SLC25A36: variants seen among roughly 807,000 people sequenced by gnomAD.
SLC25A36 encodes the protein epididymis secretory sperm binding protein.
SLC25A36 carries 24 observed loss-of-function variants against 35.3 expected under a neutral mutation model. The ratio of observed to expected loss-of-function variants is 0.68; its 90% CI spans 0.49 to 0.96. SLC25A36 has a LOEUF of 0.96. Among genes scored for constraint, SLC25A36 ranks in the 40% least tolerant of loss-of-function variants. The pLI is 0.00. For missense variants in SLC25A36, 294 were observed against 381.1 expected, an observed-to-expected ratio of 0.77 and a Z score of 1.90; for synonymous variants, 141 against 132.2, an observed-to-expected ratio of 1.07 and a Z score of -0.46.
At chr3:140,952,967 T>G (rs1348643788) in intron 1 of SLC25A36, among the ~76,000 whole-genome samples, 2 of 152,198 alleles carry the variant, frequency 1.3e-5, no homozygotes, top group African/African-American at 4.8e-5. Context: ...TTATGTTCAA[T>G]AAATTTACAA....
intron 1 of SLC25A36, among the ~76,000 whole-genome samples, chr3:140,955,085 G>T (rs1329647600): frequency 6.6e-6 from 1 of 151,742 alleles, no homozygotes; most frequent in East Asian, 1.9e-4. Context: ...TAATAGTTTT[G>T]TTGCATAAGT....
chr3:140,951,066 T>A (rs1303499302), intron 1 of SLC25A36, among the ~76,000 whole-genome samples: 1 of 152,156 alleles, frequency 6.6e-6, no homozygotes, highest in African/African-American at 2.4e-5. Context: ...TTAGGCCTCC[T>A]AGGGATTCTG....
At chr3:140,959,016 TTTC>T (rs1442270130) in intron 2 of SLC25A36, among the ~76,000 whole-genome samples, 3 of 144,942 alleles carry the variant, frequency 2.1e-5, no homozygotes, top group African/African-American at 7.7e-5. Context: ...GTGTTTTCTT[TTTC>T]TTTTTTTTTT....
Position 140,952,136 on chromosome 3 carries a change from C to T in SLC25A36, c.42-4391C>T, listed in dbSNP as rs148594809. Among the ~76,000 whole-genome samples the T allele has an allele frequency of 8.7e-4, 132 of 152,042 alleles. 1 individual carries two copies. Among genetic ancestry groups the T allele is most frequent in the African/African-American group, 3.1e-3 (128 of 41,468 alleles). On this transcript the variant is annotated intron_variant, in intron 1 of 6. Coordinates refer to ENST00000324194, the MANE Select transcript of SLC25A36 (RefSeq NM_001104647.3). ...GGTTGAAGCGATTCTACTGCCTCAG[C>T]CTCCGGAGTAGCTGGGATTACAGGC... is the stretch of plus-strand genomic sequence containing the variant.
intron 4 of SLC25A36, chr3:140,965,286 A>G (rs1934731971): frequency 6.6e-6 from 1 of 151,640 alleles, no homozygotes; most frequent in East Asian, 1.9e-4. Context: ...GGTTTTTTTT[A>G]GGATTATTTT....
chr3:140,971,065 T>C (rs1010082341), intron 5 of SLC25A36, 72 bp downstream of exon 5: 3 of 698,822 alleles, frequency 4.3e-6, no homozygotes, highest in East Asian at 2.6e-5. Flanking sequence ...AGTTTTTCTT[T>C]CCTTTGCTGC....
chr3:140,942,003 G>C lies in SLC25A36; in HGVS notation c.-52G>C. 1 of 1,018,692 alleles carries C rather than the reference G, an allele frequency of 9.8e-7. No homozygotes were observed. The highest frequency in any genetic ancestry group is 1.5e-6 in the Non-Finnish European group (1 of 674,442). 63.1% of individuals were successfully genotyped at this position (1,018,692 alleles called of 1,614,324 possible). A position where few individuals can be genotyped will look rare whatever the true frequency, so the allele number is the denominator to read the frequency against. On this transcript the variant is annotated 5_prime_UTR_variant, in exon 1 of 7. Transcript: ENST00000324194. ...GGACCGAAGCCGCCTGCCGTAGCGG[G>C]CGGCCAGATCCGCGTCCCGCCTCAG...
chr3:140,979,066 G>A lies in SLC25A36; in HGVS notation c.*2613G>A, dbSNP rs1010734874. 4 of 152,052 alleles carry A rather than the reference G, an allele frequency of 2.6e-5. No individual in the cohort carries two copies. Among genetic ancestry groups the A allele is most frequent in the Admixed American group, 2.0e-4 (3 of 15,262 alleles). The allele number at this position is 152,052 out of a possible 1,614,324, so 9.4% of individuals were successfully genotyped here. A position where few individuals can be genotyped will look rare whatever the true frequency, so the allele number is the denominator to read the frequency against. On this transcript the variant is annotated 3_prime_UTR_variant, in exon 7 of 7. Transcript: ENST00000324194. The stretch of plus-strand genomic sequence containing the variant: ...AGCGTTTGTGATTTCGGGATACCAT[G>A]CAGTGGTTTTAATCCCAGGAAAAAA...
chr3:140,943,975 A>G, intron 1 of SLC25A36, among the ~76,000 whole-genome samples: 1 of 130,534 alleles, frequency 7.7e-6, no homozygotes, highest in Admixed American at 7.0e-5. Flanking sequence ...AGTCTAGCAT[A>G]TGTAGTTAGA....
In SLC25A36 at chr3:140,942,113, C is replaced by T. The variant is rs781081384; in HGVS notation, c.41+18C>T. On this transcript the variant is annotated intron_variant, in intron 1 of 6. Transcript: ENST00000324194. Reference sequence around the variant, plus strand: ...GCCGGAGGGTAAGGTCCTGGCGGGGCGTGCGCACTGGGGCTGAGGGTGCTG... The same window carrying T: ...GCCGGAGGGTAAGGTCCTGGCGGGGTGTGCGCACTGGGGCTGAGGGTGCTG... 8 of 1,305,760 alleles carry T rather than the reference C, an allele frequency of 6.1e-6. No individual in the cohort carries two copies. In the South Asian group the frequency reaches 9.5e-5, roughly 16 times the overall value. The allele number at this position is 1,305,760 out of a possible 1,614,324, so 80.9% of individuals were successfully genotyped here.
intron 1 of SLC25A36, among the ~76,000 whole-genome samples, chr3:140,947,379 T>A (rs1442805488): frequency 6.6e-6 from 1 of 152,184 alleles, no homozygotes. Flanking sequence ...AATGGATTTT[T>A]TTTATTTCTC....
intron 6 of SLC25A36, 21 bp from the exon 7 acceptor site, chr3:140,976,239 T>C: frequency 6.6e-7 from 1 of 1,503,814 alleles, no homozygotes; most frequent in Non-Finnish European, 9.1e-7. Flanking sequence ...TAATGTTTAA[T>C]TTTATTTCTT....
intron 1 of SLC25A36, among the ~76,000 whole-genome samples, chr3:140,955,543 T>C (rs1252882249): frequency 6.6e-6 from 1 of 152,222 alleles, no homozygotes; most frequent in South Asian, 2.1e-4. Flanking sequence ...TACATACCTT[T>C]TAAACAGTTC....
chr3:140,972,097 G>C (rs1387117157), intron 5 of SLC25A36, among the ~76,000 whole-genome samples: 1 of 152,170 alleles, frequency 6.6e-6, no homozygotes, highest in Non-Finnish European at 1.5e-5. Context: ...CCACATATCT[G>C]AAAAGTAGTG....
chr3:140,964,212 A>T (rs1348689168), intron 4 of SLC25A36: 2 of 151,972 alleles, frequency 1.3e-5, no homozygotes, highest in Non-Finnish European at 2.9e-5. Context: ...TGAAGTAAGT[A>T]AGTTTGAAAT....
chr3:140,962,607 T>C (rs185071744), intron 3 of SLC25A36, among the ~76,000 whole-genome samples: 2 of 152,238 alleles, frequency 1.3e-5, no homozygotes, highest in South Asian at 2.1e-4. Flanking sequence ...GCATATACTT[T>C]AATCAGTTGG....
At chr3:140,950,495 G>T (rs1467728899) in intron 1 of SLC25A36, among the ~76,000 whole-genome samples, 1 of 151,760 alleles carries the variant, frequency 6.6e-6, no homozygotes, top group Non-Finnish European at 1.5e-5. Context: ...TTCTGTTCCT[G>T]CATTTGGTTC....
rs1171696836 is a variant in SLC25A36 at position 140,980,351 on chromosome 3, C to G, written c.*3898C>G. Among the ~76,000 whole-genome samples, 2 of 152,112 alleles carry G rather than the reference C, an allele frequency of 1.3e-5. No individual in the cohort carries two copies. The highest frequency in any genetic ancestry group is 4.8e-5 in the African/African-American group (2 of 41,408). Reference sequence around the variant, plus strand: ...GATAAAATGCTATGTAGTGCCTACCCTCTTTACATTTTGTCTATTTTATTT... The same window carrying G: ...GATAAAATGCTATGTAGTGCCTACCGTCTTTACATTTTGTCTATTTTATTT... On this transcript the variant is annotated 3_prime_UTR_variant, in exon 7 of 7. Coordinates refer to ENST00000324194, the MANE Select transcript of SLC25A36 (RefSeq NM_001104647.3).
At chr3:140,958,435 C>T (rs1452293717) in intron 2 of SLC25A36, among the ~76,000 whole-genome samples, 1 of 152,160 alleles carries the variant, frequency 6.6e-6, no homozygotes, top group Non-Finnish European at 1.5e-5. Flanking sequence ...TGTTTTGTTA[C>T]AATTCTTTTT....
Sources: allele counts gnomAD v4.1 joint callset (sites outside exome capture counted in the v4.1 genomes callset), GRCh38; gene constraint gnomAD v4.1.1; transcripts MANE v1.5; gene names NCBI Gene and HGNC (gene_info 2026-07-23, HGNC 2026-07-21).